Variants in SLC16A2 observed in about 807,000 individuals in gnomAD.
SLC16A2 encodes the protein solute carrier family 16 member 2.
SLC16A2 carries 3 observed loss-of-function variants against 27.2 expected under a neutral mutation model. The observed-to-expected ratio is 0.11, with a 90% CI of 0.05 to 0.28. The LOEUF is 0.28. SLC16A2 is among the 10% of genes least tolerant of loss of function. SLC16A2 has a pLI of 1.00. For missense variants in SLC16A2, 295 were observed against 458.5 expected (o/e 0.64, Z 3.26); for synonymous variants, 202 against 187.8 (o/e 1.08, Z -0.62).
rs372143020 is a variant in SLC16A2 at position 74,493,587 on chromosome X, A to G, written c.431-27403A>G. Among the ~76,000 whole-genome samples the G allele has an allele frequency of 1.1e-4, 12 of 112,340 alleles. 1 individual carries two copies. The highest frequency in any genetic ancestry group is 8.4e-4 in the East Asian group (3 of 3,567). On this transcript the variant is annotated intron_variant, in intron 1 of 5. Transcript: ENST00000587091. ...GAACCCTGCCCTCTTGCCTTCTGGG[A>G]TGGCCCGAGCTCAGGGTGATCGCCA...
chrX:74,480,816 CT>C lies in SLC16A2; in HGVS notation c.431-40172del, dbSNP rs1435683701. On this transcript the variant is annotated intron_variant, in intron 1 of 5. Coordinates refer to ENST00000587091, the MANE Select transcript of SLC16A2 (RefSeq NM_006517.5). ...CAAACATTCTTGTCTTGTTGTTTAT[CT>C]TACAGGGGAAGCAGTCTTTCAGCAA... Among the ~76,000 whole-genome samples the C allele has an allele frequency of 4.5e-5, 5 of 112,125 alleles. No individual in the cohort carries two copies. In the Admixed American group the frequency reaches 4.7e-4, roughly 11 times the overall value.
rs1490310036 is a variant in SLC16A2 at position 74,531,448 on chromosome X, C to T, written c.1515C>T (p.Phe505=). The T allele has an allele frequency of 8.3e-7, 1 of 1,210,832 alleles. No individual in the cohort carries two copies. The highest frequency in any genetic ancestry group is 3.0e-5 in the East Asian group (1 of 33,828). Residue 505 remains phenylalanine, a synonymous_variant, in exon 6 of 6, where the codon TTC becomes TTT. Coordinates refer to ENST00000587091, the MANE Select transcript of SLC16A2 (RefSeq NM_006517.5). ...FFVPLMHQRM[F]KKEQRDSSKD... ...TCCCTCTGATGCATCAAAGGATGTT[C>T]AAGAAAGAGCAGAGAGATTCCAGCA... is the stretch of plus-strand genomic sequence containing the variant.
chrX:74,501,661 A>C lies in SLC16A2; in HGVS notation c.431-19329A>C, dbSNP rs73624302. The stretch of plus-strand genomic sequence containing the variant: ...CAAAGCCCAGACCAGCTGCTGGCCC[A>C]CCGCATGGAAAGTGCGTCTGGGGTA... On this transcript the variant is annotated intron_variant, in intron 1 of 5. Transcript: ENST00000587091. 5.2e-3 allele frequency among the ~76,000 whole-genome samples: 574 copies of C among 111,200 alleles called. 9 individuals are homozygous for C. Among genetic ancestry groups the C allele is most frequent in the African/African-American group, 0.018 (547 of 30,533 alleles).
chrX:74,442,745 G>A (rs185786814), intron 1 of SLC16A2, among the ~76,000 whole-genome samples: 19 of 111,714 alleles, frequency 1.7e-4, no homozygotes, highest in African/African-American at 5.9e-4. Context: ...TCATGAGGTC[G>A]GGAATTTAAG....
At chrX:74,507,325 G>A (rs1930153856) in intron 1 of SLC16A2, among the ~76,000 whole-genome samples, 1 of 110,876 alleles carries the variant, frequency 9.0e-6, no homozygotes, top group Non-Finnish European at 1.9e-5. Context: ...ATAGTAAACC[G>A]CATATATTTC....
chrX:74,479,419 A>G (rs1391542762), intron 1 of SLC16A2, among the ~76,000 whole-genome samples: 1 of 111,233 alleles, frequency 9.0e-6, no homozygotes, highest in Non-Finnish European at 1.9e-5. Flanking sequence ...CTTCTTTGCC[A>G]TGGGTTTGAA....
intron 1 of SLC16A2, among the ~76,000 whole-genome samples, chrX:74,491,993 G>A (rs753825511): frequency 8.9e-6 from 1 of 112,455 alleles, no homozygotes; most frequent in South Asian, 3.7e-4. Context: ...CCTGGGACAG[G>A]ATGTCCCTAT....
At chrX:74,508,482 TTTAA>T (rs1310206250) in intron 1 of SLC16A2, among the ~76,000 whole-genome samples, 3 of 112,632 alleles carry the variant, frequency 2.7e-5, no homozygotes, top group Non-Finnish European at 5.6e-5. Context: ...TTATTCGATG[TTTAA>T]TTATCCATTG....
intron 1 of SLC16A2, among the ~76,000 whole-genome samples, chrX:74,469,729 C>G (rs994871808): frequency 7.9e-4 from 87 of 110,711 alleles, no homozygotes; most frequent in African/African-American, 2.8e-3. Flanking sequence ...GCAGACATTT[C>G]CCATATACCC....
At chrX:74,511,190 A>G (rs914935900) in intron 1 of SLC16A2, among the ~76,000 whole-genome samples, 1 of 108,933 alleles carries the variant, frequency 9.2e-6, no homozygotes. Flanking sequence ...TATTTATTTT[A>G]TTTTTTTTTG....
intron 1 of SLC16A2, among the ~76,000 whole-genome samples, chrX:74,432,494 T>A (rs1438206744): frequency 8.9e-6 from 1 of 112,085 alleles, no homozygotes; most frequent in Non-Finnish European, 1.9e-5. Flanking sequence ...AAAAATGTTT[T>A]GCTTTTTTGT....
At chrX:74,495,434 C>T (rs1602131626) in intron 1 of SLC16A2, among the ~76,000 whole-genome samples, 1 of 108,316 alleles carries the variant, frequency 9.2e-6, no homozygotes, top group Middle Eastern at 4.7e-3. Context: ...AAGAAGTTCT[C>T]ATCTGTACAG....
At chrX:74,509,152 T>C (rs1170345106) in intron 1 of SLC16A2, among the ~76,000 whole-genome samples, 1 of 109,890 alleles carries the variant, frequency 9.1e-6, no homozygotes, top group Non-Finnish European at 1.9e-5. Flanking sequence ...TTGTAGAGAG[T>C]GGGGTCTCAC....
At chrX:74,510,391 A>C (rs191853619) in intron 1 of SLC16A2, among the ~76,000 whole-genome samples, 23 of 111,985 alleles carry the variant, frequency 2.1e-4, no homozygotes, top group East Asian at 1.1e-3. Context: ...AGTAAAAAAA[A>C]AAAACAAAAC....
chrX:74,468,339 C>T (rs1033471495), intron 1 of SLC16A2, among the ~76,000 whole-genome samples: 1 of 112,039 alleles, frequency 8.9e-6, no homozygotes, highest in Non-Finnish European at 1.9e-5. Context: ...ATGCTCTAGA[C>T]ATTTCATATT....
chrX:74,471,605 T>C (rs765700161), intron 1 of SLC16A2, among the ~76,000 whole-genome samples: 1 of 112,273 alleles, frequency 8.9e-6, no homozygotes, highest in South Asian at 3.7e-4. Flanking sequence ...ACTATCTTAC[T>C]GGTGCCCCTT....
chrX:74,511,121 G>A (rs1373746234), intron 1 of SLC16A2, among the ~76,000 whole-genome samples: 1 of 111,128 alleles, frequency 9.0e-6, no homozygotes, highest in African/African-American at 3.3e-5. Flanking sequence ...CACGAAAATT[G>A]GCATGTCTTG....
At chrX:74,470,253 T>C (rs1468648642) in intron 1 of SLC16A2, among the ~76,000 whole-genome samples, 1 of 112,643 alleles carries the variant, frequency 8.9e-6, no homozygotes, top group African/African-American at 3.2e-5. Context: ...GTTTTGGCAA[T>C]TATGAATAAA....
At position 74,518,203 on chromosome X, in the gene SLC16A2, G is replaced by C. The variant is rs747719164; in HGVS notation, c.431-2787G>C. Among the ~76,000 whole-genome samples, 5 of 112,452 alleles carry C rather than the reference G, an allele frequency of 4.4e-5. No individual in the cohort carries two copies. The South Asian group carries it at 1.8e-3, about 41-fold the overall frequency. On this transcript the variant is annotated intron_variant, in intron 1 of 5. Coordinates refer to ENST00000587091, the MANE Select transcript of SLC16A2 (RefSeq NM_006517.5). Reference sequence around the variant, plus strand: ...TAACTTCACAGGAGGCTGCCAAACTGTTTTCCAAAGTGAGTACTGTTTTGC... The same window carrying C: ...TAACTTCACAGGAGGCTGCCAAACTCTTTTCCAAAGTGAGTACTGTTTTGC...
Sources: gnomAD v4.1 joint callset for allele counts (sites outside exome capture counted in the v4.1 genomes callset) on GRCh38, gnomAD v4.1.1 for gene constraint, MANE v1.5 for transcripts, NCBI Gene and HGNC (gene_info 2026-07-23, HGNC 2026-07-21) for gene names.